ZNF674: variants seen among roughly 807,000 people sequenced by gnomAD.
ZNF674 encodes the protein zinc finger protein 674.
ZNF674 carries 2 observed loss-of-function variants against 7.0 expected under a neutral mutation model. The ratio of observed to expected loss-of-function variants is 0.29; its 90% confidence interval spans 0.12 to 0.90. The LOEUF (loss-of-function observed/expected upper bound fraction) is 0.90. Ranked by LOEUF, ZNF674 falls within the 40% of genes least tolerant of loss-of-function variation. The probability of loss-of-function intolerance (pLI) is 0.57; values close to 1 mark genes in which losing one functional copy is unlikely to be tolerated. For missense variants in ZNF674, 297 were observed against 415.5 expected (o/e 0.71, Z 2.48); for synonymous variants, 103 against 145.2 (o/e 0.71, Z 2.09).
At chrX:46,525,817 A>G (rs1942001251) in intron 5 of ZNF674, among the ~76,000 whole-genome samples, 1 of 111,972 alleles carries the variant, frequency 8.9e-6, no homozygotes, top group East Asian at 2.8e-4. Flanking sequence ...AGATCAATAT[A>G]CAAAAATCAA....
rs779544562 is a variant in ZNF674 at position 46,500,032 on chromosome X, A to G, written c.1542T>C (p.His514=). Residue 514 remains histidine (H), a synonymous_variant, in exon 6 of 6, where the codon CAT becomes CAC. Coordinates refer to ENST00000683375, the MANE Select transcript of ZNF674 (RefSeq NM_001190417.2). ...TACATTTGTAAGGTTTTTCTCCTGT[A>G]TGAATTCTCTGATGTTTGATGAGAG... ...KSTLIKHQRI[H]TGEKPYKCSE... 8.3e-7 allele frequency: 1 copy of G among 1,210,856 alleles called. No individual in the cohort carries two copies. The highest frequency in any genetic ancestry group is 3.0e-5 in the East Asian group (1 of 33,798).
Position 46,545,365 on chromosome X carries a change from G to C in ZNF674, c.-141+6C>G, listed in dbSNP as rs1332469898. The C allele has an allele frequency of 2.7e-5, 3 of 111,112 alleles. No homozygotes were observed. The highest frequency in any genetic ancestry group is 9.8e-5 in the African/African-American group (3 of 30,465). The allele number at this position is 111,112 out of a possible 1,213,427, so 9.2% of individuals were successfully genotyped here. A position where few individuals can be genotyped will look rare whatever the true frequency, so the allele number is the denominator to read the frequency against. ...AAAACCATCACCACCTCACCCTCCC[G>C]CTTACTTCACTGCCGACAGCCTGAA... On this transcript the variant is annotated splice_donor_region_variant and intron_variant, in intron 1 of 5. Transcript: ENST00000683375.
intron 5 of ZNF674, among the ~76,000 whole-genome samples, chrX:46,503,818 C>T (rs980912062): frequency 9.9e-5 from 11 of 111,485 alleles, no homozygotes; most frequent in Admixed American, 1.9e-4. Context: ...AGAGGTAATA[C>T]ATTTAGTATT....
At chrX:46,539,002 T>C (rs1016778840) in intron 3 of ZNF674, among the ~76,000 whole-genome samples, 2 of 109,325 alleles carry the variant, frequency 1.8e-5, no homozygotes, top group Non-Finnish European at 3.8e-5. Context: ...CTGGGCAACA[T>C]GGCAAAATCC....
At chrX:46,517,042 C>T (rs758271625) in intron 5 of ZNF674, among the ~76,000 whole-genome samples, 3 of 109,927 alleles carry the variant, frequency 2.7e-5, no homozygotes, top group South Asian at 3.9e-4. Flanking sequence ...AAAGCAATAA[C>T]GACACAGTCC....
intron 3 of ZNF674, among the ~76,000 whole-genome samples, chrX:46,535,905 C>T (rs1942190169): frequency 8.9e-6 from 1 of 111,903 alleles, no homozygotes; most frequent in African/African-American, 3.2e-5. Flanking sequence ...AGATTATAAG[C>T]CTCACTAAAA....
chrX:46,521,222 A>G (rs184531090), intron 5 of ZNF674, among the ~76,000 whole-genome samples: 13,520 of 107,800 alleles, frequency 0.13, 1,963 homozygotes, highest in African/African-American at 0.4. Context: ...AAAAAAAAAA[A>G]AGACAATCTA....
intron 3 of ZNF674, among the ~76,000 whole-genome samples, chrX:46,538,020 C>T (rs976518027): frequency 9.1e-6 from 1 of 109,505 alleles, no homozygotes; most frequent in African/African-American, 3.3e-5. Flanking sequence ...ACCCGGGAGG[C>T]GGAGGTTGCA....
chrX:46,528,245 A>G, intron 5 of ZNF674, 105 bp downstream of exon 5: 1 of 814,665 alleles, frequency 1.2e-6, no homozygotes, highest in Non-Finnish European at 1.9e-6. Context: ...CATGTCCACA[A>G]GTCCGAGGCT....
chrX:46,531,757 G>C (rs1942112290), intron 3 of ZNF674, among the ~76,000 whole-genome samples: 1 of 111,482 alleles, frequency 9.0e-6, no homozygotes, highest in Non-Finnish European at 1.9e-5. Flanking sequence ...CAGATCCTCT[G>C]AGTAGAGTGT....
chrX:46,531,303 C>T (rs1012203074), intron 3 of ZNF674, among the ~76,000 whole-genome samples: 4 of 111,591 alleles, frequency 3.6e-5, no homozygotes, highest in Admixed American at 9.6e-5. Context: ...ATTCAGTTTC[C>T]GTTAGTTCTG....
At chrX:46,507,193 A>G (rs1941556831) in intron 5 of ZNF674, among the ~76,000 whole-genome samples, 1 of 110,589 alleles carries the variant, frequency 9.0e-6, no homozygotes, top group Non-Finnish European at 1.9e-5. Context: ...TCTATGAAAA[A>G]CTTAAAAAAT....
At chrX:46,537,140 G>A (rs945282930) in intron 3 of ZNF674, among the ~76,000 whole-genome samples, 6 of 110,509 alleles carry the variant, frequency 5.4e-5, no homozygotes, top group African/African-American at 9.9e-5. Flanking sequence ...GCCTGGTGGC[G>A]TGAGCCTGTA....
chrX:46,521,146 A>T (rs747744174), intron 5 of ZNF674, among the ~76,000 whole-genome samples: 1 of 104,844 alleles, frequency 9.5e-6, no homozygotes, highest in Non-Finnish European at 2.0e-5. Context: ...TGGAGGTTGC[A>T]GTGAGCCAAG....
At chrX:46,501,451 A>G in intron 5 of ZNF674, 116 bp from the exon 6 acceptor site, 1 of 681,861 alleles carries the variant, frequency 1.5e-6, no homozygotes, top group South Asian at 3.3e-5. Context: ...GCTGATGTGG[A>G]TGGAGGACCC....
chrX:46,533,247 C>A (rs780739388), intron 3 of ZNF674, among the ~76,000 whole-genome samples: 3 of 111,188 alleles, frequency 2.7e-5, no homozygotes, highest in East Asian at 5.6e-4. Context: ...CTCCACCAAC[C>A]GGTCCTATGG....
Position 46,528,763 on chromosome X carries a change from C to T in ZNF674, c.142+20G>A, listed in dbSNP as rs1170498430. ...CAGTACTGGAGGCATTCTGCATCACCCTGTGGCGCGGTCCCTCACCCACGG... is the reference window on the plus strand; with the variant it reads ...CAGTACTGGAGGCATTCTGCATCACTCTGTGGCGCGGTCCCTCACCCACGG... On this transcript the variant is annotated intron_variant, in intron 4 of 5. Transcript: ENST00000683375. 15 of 1,209,597 alleles carry T rather than the reference C, an allele frequency of 1.2e-5. No individual in the cohort carries two copies. Among genetic ancestry groups the T allele is most frequent in the Admixed American group, 2.2e-5 (1 of 45,681 alleles).
chrX:46,529,014 T>A lies in ZNF674; in HGVS notation c.16-105A>T, dbSNP rs1942060051. 6 of 1,186,167 alleles carry A rather than the reference T, an allele frequency of 5.1e-6. No homozygotes were observed. In the Admixed American group the frequency reaches 1.3e-4, roughly 27 times the overall value. ...TTACTCTGTGCCCTTTGAGGTCCTT[T>A]ACATGTACTAAAGATTTCAGTCTTC... On this transcript the variant is annotated intron_variant, in intron 3 of 5. Coordinates refer to ENST00000683375, the MANE Select transcript of ZNF674 (RefSeq NM_001190417.2).
intron 5 of ZNF674, among the ~76,000 whole-genome samples, chrX:46,515,206 T>TA (rs1371782053): frequency 8.2e-5 from 9 of 109,938 alleles, no homozygotes; most frequent in Non-Finnish European, 1.7e-4. Flanking sequence ...CCATCTCTAC[T>TA]AAAAATACAA....
Sources: gnomAD v4.1 joint callset for allele counts (sites outside exome capture counted in the v4.1 genomes callset) on GRCh38, gnomAD v4.1.1 for gene constraint, MANE v1.5 for transcripts, NCBI Gene and HGNC (gene_info 2026-07-23, HGNC 2026-07-21) for gene names.